TNXB: variants seen among roughly 807,000 people sequenced by gnomAD.
TNXB encodes tenascin-X.
In TNXB, 183 loss-of-function variants were observed where a neutral mutation model predicts 340.5. The ratio of observed to expected loss-of-function variants is 0.54; its 90% CI spans 0.48 to 0.61. TNXB has a LOEUF of 0.61. Among genes scored for constraint, TNXB ranks in the 20% least tolerant of loss-of-function variants. The pLI is 0.00. For synonymous variants in TNXB, 2,121 were observed against 2,314.5 expected, an observed-to-expected ratio of 0.92 and a Z score of 2.40; for missense variants, 4,613 against 5,446.4, an observed-to-expected ratio of 0.85 and a Z score of 4.82.
chr6:32,045,973 C>G (rs1450739839), intron 31 of TNXB: 1 of 1,310,776 alleles, frequency 7.6e-7, no homozygotes, highest in East Asian at 2.7e-5. Flanking sequence ...GGGCCTTTCC[C>G]TCCCGCCTGG....
chr6:32,097,178 A>G lies in TNXB; in HGVS notation c.675T>C (p.Arg225=), dbSNP rs564947928. The part of the protein sequence containing the change: ...WPSCPGDCQG[R]GRCVQGVCVC... ...CACACACGCCCTGCACGCAGCGCCC[A>G]CGGCCTTGGCAGTCCCCGGGACAGG... The change falls in exon 3 of 44, where the codon CGT becomes CGC. Residue 225 remains arginine (R), a synonymous_variant. Coordinates refer to ENST00000644971, the MANE Select transcript of TNXB (RefSeq NM_001365276.2). This position sits in a 1 kb window ranked among gnomAD's most constrained non-coding sequence, Gnocchi z 5.9. 2.5e-4 allele frequency: 400 copies of G among 1,593,944 alleles called. 3 individuals carry two copies. In the South Asian group the frequency reaches 4.3e-3, roughly 17 times the overall value.
intron 25 of TNXB, 24 bp downstream of exon 25, chr6:32,053,364 C>G (rs1355342617): frequency 6.2e-7 from 1 of 1,606,678 alleles, no homozygotes; most frequent in Non-Finnish European, 8.5e-7. Flanking sequence ...AGGCCCCACT[C>G]TGGGGCTCCC....
In TNXB at chr6:32,047,907, G is replaced by A. The variant is rs200580526; in HGVS notation, c.10151C>T (p.Ser3384Phe). 1.2e-6 allele frequency: 2 copies of A among 1,612,716 alleles called. No homozygotes were observed. The highest frequency in any genetic ancestry group is 1.7e-6 in the Non-Finnish European group (2 of 1,179,734). The change falls in exon 30 of 44, where the codon TCC (serine) becomes TTC (phenylalanine). Residue 3384 changes from serine (S) to phenylalanine (F), a missense_variant. Physicochemically the swap from Ser to Phe is radical, Grantham distance 155. Transcript: ENST00000644971. The surrounding 1 kb of genome is among the most constrained non-coding windows in gnomAD (Gnocchi z 6.2). ...SWTVPEGEFDSFVVQYKDKDG... is the reference protein window; with the variant it reads ...SWTVPEGEFDFFVVQYKDKDG... Reference sequence around the variant, plus strand: ...CTTATCCTTGTACTGGACCACGAAGGAGTCGAATTCGCCCTCAGGGACCGT... The same window carrying A: ...CTTATCCTTGTACTGGACCACGAAGAAGTCGAATTCGCCCTCAGGGACCGT...
At position 32,047,697 on chromosome 6, in the gene TNXB, C is replaced by T. The variant is rs1438287531; in HGVS notation, c.10324+37G>A. The T allele has an allele frequency of 1.3e-6, 2 of 1,547,814 alleles. No homozygotes were observed. The highest frequency in any genetic ancestry group is 1.8e-5 in the Admixed American group (1 of 54,602). ...CAGCTCTGAGGGCTCGGATGAGAGGCAGCTCTGGAAAAGGTGGAGGCTGGA... is the reference window on the plus strand; with the variant it reads ...CAGCTCTGAGGGCTCGGATGAGAGGTAGCTCTGGAAAAGGTGGAGGCTGGA... On this transcript the variant is annotated intron_variant, in intron 30 of 43. Coordinates refer to ENST00000644971, the MANE Select transcript of TNXB (RefSeq NM_001365276.2). This position sits in a 1 kb window ranked among gnomAD's most constrained non-coding sequence, Gnocchi z 6.2.
chr6:32,083,519 C>T lies in TNXB; in HGVS notation c.3445+894G>A, dbSNP rs1779594175. ...AGTTTATCTAAGGCGTTGTTCCCCA[C>T]CTCTGCTGCTCCCTGCCTCAGGGAA... On this transcript the variant is annotated intron_variant, in intron 8 of 43. Transcript: ENST00000644971. This position sits in a 1 kb window ranked among gnomAD's most constrained non-coding sequence, Gnocchi z 4.6. Among the ~76,000 whole-genome samples the T allele has an allele frequency of 6.6e-6, 1 of 152,188 alleles. No homozygotes were observed. The highest frequency in any genetic ancestry group is 2.4e-5 in the African/African-American group (1 of 41,430).
Position 32,048,595 on chromosome 6 carries a change from C to A in TNXB, c.9813G>T (p.Ala3271=), listed in dbSNP as rs369956569. Residue 3271 remains alanine (A), a synonymous_variant, in exon 29 of 44, where the codon GCG becomes GCT. Coordinates refer to ENST00000644971, the MANE Select transcript of TNXB (RefSeq NM_001365276.2). ...VEPRLGELAV[A]AVTSDSVGLS... The stretch of plus-strand genomic sequence containing the variant: ...GGCCCACTGAGTCCGAGGTCACGGC[C>A]GCCACCGCCAGCTCCCCCAGGCGGG... 15 of 1,512,692 alleles carry A rather than the reference C, an allele frequency of 9.9e-6. No individual in the cohort carries two copies. In the Admixed American group the frequency reaches 3.0e-4, roughly 30 times the overall value. 93.7% of individuals were successfully genotyped at this position (1,512,692 alleles called of 1,614,324 possible). A position where few individuals can be genotyped will look rare whatever the true frequency, so the allele number is the denominator to read the frequency against.
Position 32,056,537 on chromosome 6 carries a change from G to A in TNXB, c.8143+49C>T, listed in dbSNP as rs779584107. On this transcript the variant is annotated intron_variant, in intron 23 of 43. Transcript: ENST00000644971. ...CACCAGTCATCACCAAAGAGCAAGA[G>A]GGTGACCCTCCCACGGCTCCCACCC... 2.2e-5 allele frequency: 35 copies of A among 1,598,020 alleles called. No homozygotes were observed. In the African/African-American group the frequency reaches 4.3e-4, roughly 20 times the overall value.
chr6:32,042,300 A>G lies in TNXB; in HGVS notation c.12273T>C (p.His4091=), dbSNP rs749082126. The change falls in exon 41 of 44, where the codon CAT becomes CAC. Residue 4091 remains histidine (H), a synonymous_variant. Coordinates refer to ENST00000644971, the MANE Select transcript of TNXB (RefSeq NM_001365276.2). ...DFWRDWEDYA[H]GFGNISGEFW... is the part of the protein sequence containing the mutation. ...ACTCTCCAGAGATGTTCCCAAAACC[A>G]TGGGCATAGTCCTCCCAGTCCCTCC... 20 of 1,474,612 alleles carry G rather than the reference A, an allele frequency of 1.4e-5. No homozygotes were observed. In the African/African-American group the frequency reaches 2.8e-4, roughly 21 times the overall value. 91.3% of individuals were successfully genotyped at this position (1,474,612 alleles called of 1,614,324 possible).
intron 1 of TNXB, among the ~76,000 whole-genome samples, chr6:32,107,580 T>C (rs1051307744): frequency 1.3e-5 from 2 of 152,132 alleles, no homozygotes; most frequent in African/African-American, 4.8e-5. Flanking sequence ...TGGAGAGAGA[T>C]ATGGCCTCAC....
chr6:32,094,920 C>T (rs1176702733), intron 4 of TNXB, among the ~76,000 whole-genome samples, 156 bp downstream of exon 4: 1 of 152,118 alleles, frequency 6.6e-6, no homozygotes, highest in African/African-American at 2.4e-5. Context: ...GCCTCAGTGC[C>T]CAGTGTCAAG....
At position 32,064,902 on chromosome 6, in the gene TNXB, G is replaced by T; in HGVS notation, c.6760C>A (p.Pro2254Thr). Residue 2254 changes from proline (P) to threonine (T), a missense_variant, in exon 19 of 44, where the codon CCA becomes ACA. Around this residue, in one of 7 missense-constraint regions of TNXB, gnomAD observed 4,327 missense variants for 4,859.4 expected, o/e 0.89. Coordinates refer to ENST00000644971, the MANE Select transcript of TNXB (RefSeq NM_001365276.2). The surrounding 1 kb of genome is among the most constrained non-coding windows in gnomAD (Gnocchi z 5.3). ...EDGVTISGLE[P>T]DHKYKMNLYG... is the part of the protein sequence containing the mutation. Reference sequence around the variant, plus strand: ...AGGTTCATCTTGTACTTGTGGTCTGGCTCCAGGCCCGAGATGGTGACCCCA... The same window carrying T: ...AGGTTCATCTTGTACTTGTGGTCTGTCTCCAGGCCCGAGATGGTGACCCCA... 6.2e-7 allele frequency: 1 copy of T among 1,612,724 alleles called. No homozygotes were observed.
In TNXB at chr6:32,053,577, C is replaced by T. The variant is rs764870462; in HGVS notation, c.8602G>A (p.Glu2868Lys). ...DSLSLSWMVP[E>K]GQFDHFLVQY... The stretch of plus-strand genomic sequence containing the variant: ...ACCAGGAAGTGGTCAAACTGGCCCT[C>T]GGGGACCATCCAGGACAGGCTGAGG... The change falls in exon 25 of 44, where the codon GAG (glutamate) becomes AAG (lysine). Residue 2868 changes from glutamate to lysine, a missense_variant. Physicochemically the swap from Glu to Lys is moderately conservative, Grantham distance 56. Transcript: ENST00000644971. The T allele has an allele frequency of 2.7e-5, 43 of 1,613,660 alleles. No individual in the cohort carries two copies. Among genetic ancestry groups the T allele is most frequent in the East Asian group, 4.5e-5 (2 of 44,872 alleles).
chr6:32,044,186 G>C lies in TNXB; in HGVS notation c.11264-57C>G. The C allele has an allele frequency of 2.1e-6, 3 of 1,398,932 alleles. No homozygotes were observed. In the South Asian group the frequency reaches 4.0e-5, roughly 18 times the overall value. 86.7% of individuals were successfully genotyped at this position (1,398,932 alleles called of 1,614,324 possible). On this transcript the variant is annotated intron_variant, in intron 33 of 43. Transcript: ENST00000644971. The stretch of plus-strand genomic sequence containing the variant: ...CAGGGGCAGGGAGGCTTCTCCCTAC[G>C]AGTCCCCCCCTCGCCTCTGCTCCAG...
chr6:32,094,939 G>T lies in TNXB; in HGVS notation c.2358+137C>A, dbSNP rs1254080530. 15 of 686,290 alleles carry T rather than the reference G, an allele frequency of 2.2e-5. No individual in the cohort carries two copies. In the East Asian group the frequency reaches 3.5e-4, roughly 16 times the overall value. 42.5% of individuals were successfully genotyped at this position (686,290 alleles called of 1,614,324 possible). A position where few individuals can be genotyped will look rare whatever the true frequency, so the allele number is the denominator to read the frequency against. ...CAGTGCCCAGTGTCAAGCAGGCTAA[G>T]AAAGCCTTTACAGCAGCTTCAGGTA... On this transcript the variant is annotated intron_variant, in intron 4 of 43. Transcript: ENST00000644971.
chr6:32,053,305 G>C (rs1777408487), intron 25 of TNXB, 83 bp downstream of exon 25: 1 of 1,535,178 alleles, frequency 6.5e-7, no homozygotes, highest in African/African-American at 1.4e-5. Context: ...GAGCAGAGGG[G>C]CTTCCTGGGC....
In TNXB at chr6:32,048,633, G is replaced by A; in HGVS notation, c.9775C>T (p.Leu3259=). The A allele has an allele frequency of 6.6e-7, 1 of 1,508,510 alleles. No homozygotes were observed. 93.4% of individuals were successfully genotyped at this position (1,508,510 alleles called of 1,614,324 possible). The part of the protein sequence containing the change: ...VGITAPLPTP[L]PVEPRLGELA... Reference sequence around the variant, plus strand: ...TCCCCCAGGCGGGGCTCCACCGGCAGTGGTGTGGGCAGGGGCGCTGAAAAG... The same window carrying A: ...TCCCCCAGGCGGGGCTCCACCGGCAATGGTGTGGGCAGGGGCGCTGAAAAG... The change falls in exon 29 of 44, where the codon CTG becomes TTG. Residue 3259 remains leucine (L), a synonymous_variant. Transcript: ENST00000644971.
At chr6:32,086,293 C>G (rs1219488254) in intron 6 of TNXB, among the ~76,000 whole-genome samples, 175 bp from the exon 7 acceptor site, 3 of 152,174 alleles carry the variant, frequency 2.0e-5, no homozygotes, top group African/African-American at 7.2e-5. Context: ...CCAAACACCC[C>G]CATCTACCAC....
At position 32,089,135 on chromosome 6, in the gene TNXB, C is replaced by T; in HGVS notation, c.2516-87G>A. ...TCCAAGAGCCTAGCCCCCATCCAGC[C>T]CCTTCCTTCTGCCCTCCCGGAGGGC... is the stretch of plus-strand genomic sequence containing the variant. On this transcript the variant is annotated intron_variant, in intron 5 of 43. Coordinates refer to ENST00000644971, the MANE Select transcript of TNXB (RefSeq NM_001365276.2). This position sits in a 1 kb window ranked among gnomAD's most constrained non-coding sequence, Gnocchi z 6.2. 1 of 1,572,290 alleles carries T rather than the reference C, an allele frequency of 6.4e-7. No individual in the cohort carries two copies. The highest frequency in any genetic ancestry group is 1.7e-4 in the Middle Eastern group (1 of 5,882).
intron 22 of TNXB, among the ~76,000 whole-genome samples, chr6:32,057,318 C>T (rs1250249790): frequency 1.3e-5 from 2 of 152,194 alleles, no homozygotes; most frequent in Admixed American, 6.5e-5. Context: ...GGATCCAGCT[C>T]CTCACCAGCT....
Sources: allele counts gnomAD v4.1 joint callset (sites outside exome capture counted in the v4.1 genomes callset), GRCh38; gene constraint gnomAD v4.1.1; regional missense constraint gnomAD v4.1.1; non-coding constraint Gnocchi (gnomAD v3.1); transcripts MANE v1.5; gene names NCBI Gene and HGNC (gene_info 2026-07-23, HGNC 2026-07-21).